The following TMTC2 variants were observed in gnomAD, a reference collection of about 807,000 sequenced individuals.
TMTC2 encodes transmembrane O-mannosyltransferase targeting cadherins 2, also known as protein O-mannosyl-transferase TMTC2.
Under a neutral mutation model 82.4 loss-of-function variants are expected in TMTC2, and 43 were observed. The ratio of observed to expected loss-of-function variants is 0.52; its 90% CI spans 0.41 to 0.67. The LOEUF is 0.67. TMTC2 is among the 30% of genes least tolerant of loss of function. The probability of loss-of-function intolerance (pLI) is 0.00; values close to 1 mark genes in which losing one functional copy is unlikely to be tolerated. For missense variants in TMTC2, 919 were observed against 1,012.4 expected (o/e 0.91, Z 1.25); for synonymous variants, 408 against 381.9 (o/e 1.07, Z -0.80).
At chr12:82,884,918 G>A (rs921556915) in intron 2 of TMTC2, among the ~76,000 whole-genome samples, 1 of 152,018 alleles carries the variant, frequency 6.6e-6, no homozygotes, top group South Asian at 2.1e-4. Context: ...GATTGAGACA[G>A]GGTCTAGCTC....
At chr12:82,755,138 G>T (rs1346350978) in intron 1 of TMTC2, among the ~76,000 whole-genome samples, 2 of 152,216 alleles carry the variant, frequency 1.3e-5, no homozygotes, top group African/African-American at 2.4e-5. Context: ...GTGTTGTGGG[G>T]AAATGTGATT....
intron 2 of TMTC2, among the ~76,000 whole-genome samples, chr12:82,880,338 T>C (rs1382171752): frequency 6.6e-6 from 1 of 152,200 alleles, no homozygotes; most frequent in African/African-American, 2.4e-5. Context: ...TATAGCACAA[T>C]GTTAAGACTT....
At position 82,937,744 on chromosome 12, in the gene TMTC2, G is replaced by GTATATATATA. The variant is rs1565818121; in HGVS notation, c.1598+7200_1598+7201insATATATATAT. 4.6e-3 allele frequency among the ~76,000 whole-genome samples: 127 copies of GTATATATATA among 27,910 alleles called. 3 individuals carry two copies. Among genetic ancestry groups the GTATATATATA allele is most frequent in the African/African-American group, 0.012 (119 of 9,794 alleles). The allele number at this position is 27,910 out of a possible 152,430, so 18.3% of individuals were successfully genotyped here. On this transcript the variant is annotated intron_variant, in intron 4 of 11. Coordinates refer to ENST00000321196, the MANE Select transcript of TMTC2 (RefSeq NM_152588.3). ...TGTGTGTGTGGATGTGTGTGTGTGT[G>GTATATATATA]TGTGTGTATATATATATATATATAT...
intron 3 of TMTC2, among the ~76,000 whole-genome samples, chr12:82,913,580 T>G (rs573462117): frequency 6.6e-6 from 1 of 152,280 alleles, no homozygotes; most frequent in Non-Finnish European, 1.5e-5. Context: ...ACACATCTAG[T>G]CATATTTTTT....
chr12:83,129,815 C>T (rs1420703509), intron 11 of TMTC2, among the ~76,000 whole-genome samples: 1 of 152,124 alleles, frequency 6.6e-6, no homozygotes, highest in Non-Finnish European at 1.5e-5. Context: ...GCTGGCATCC[C>T]ATTTGTAAAG....
At chr12:82,860,147 T>C (rs1279219311) in intron 2 of TMTC2, among the ~76,000 whole-genome samples, 1 of 152,084 alleles carries the variant, frequency 6.6e-6, no homozygotes, top group East Asian at 1.9e-4. Context: ...CTAATTTTTG[T>C]ATTTTTAGTA....
chr12:83,099,669 T>C (rs983369011), intron 11 of TMTC2, among the ~76,000 whole-genome samples: 1 of 152,124 alleles, frequency 6.6e-6, no homozygotes, highest in African/African-American at 2.4e-5. Context: ...CTCTAAGGCC[T>C]ATTCTTGTTC....
intron 7 of TMTC2, among the ~76,000 whole-genome samples, chr12:82,977,261 A>C (rs1330306945): frequency 6.6e-6 from 1 of 151,994 alleles, no homozygotes; most frequent in Non-Finnish European, 1.5e-5. Context: ...AAAACTTGAC[A>C]AAATGATTCT....
intron 1 of TMTC2, among the ~76,000 whole-genome samples, chr12:82,739,537 G>A (rs553910946): frequency 1.5e-4 from 23 of 152,108 alleles, no homozygotes; most frequent in African/African-American, 5.3e-4. Context: ...CTTATAATTA[G>A]GACTTGCCAT....
chr12:82,890,272 TG>T (rs1238367948), intron 2 of TMTC2, among the ~76,000 whole-genome samples: 1 of 152,194 alleles, frequency 6.6e-6, no homozygotes, highest in Non-Finnish European at 1.5e-5. Context: ...TTGGGTTTTT[TG>T]CCTTTGGTGG....
intron 3 of TMTC2, among the ~76,000 whole-genome samples, chr12:82,928,778 G>A (rs1875862189): frequency 1.3e-5 from 2 of 152,300 alleles, no homozygotes; most frequent in South Asian, 4.1e-4. Flanking sequence ...GATGATATAT[G>A]TCAAGTGTGT....
chr12:82,900,673 A>G (rs532929536), intron 3 of TMTC2, among the ~76,000 whole-genome samples: 4 of 143,836 alleles, frequency 2.8e-5, no homozygotes, highest in Admixed American at 1.4e-4. Flanking sequence ...ATAGGAATAT[A>G]TATCTCTGGA....
chr12:82,845,883 G>A (rs886844959), intron 1 of TMTC2, among the ~76,000 whole-genome samples: 10 of 149,682 alleles, frequency 6.7e-5, no homozygotes, highest in Admixed American at 6.0e-4. Context: ...TTAATTATAC[G>A]TGATAAACAT....
Position 82,904,101 on chromosome 12 carries a change from C to G in TMTC2, c.1483+7455C>G, listed in dbSNP as rs189569583. Reference sequence around the variant, plus strand: ...TAATAATTCTGGCTGTAGTTACTTCCTTAGCAATTATGAGACTGTCAGTAA... The same window carrying G: ...TAATAATTCTGGCTGTAGTTACTTCGTTAGCAATTATGAGACTGTCAGTAA... On this transcript the variant is annotated intron_variant, in intron 3 of 11. Coordinates refer to ENST00000321196, the MANE Select transcript of TMTC2 (RefSeq NM_152588.3). Among the ~76,000 whole-genome samples, 541 of 152,134 alleles carry G rather than the reference C, an allele frequency of 3.6e-3. 6 individuals carry two copies. The highest frequency in any genetic ancestry group is 8.4e-3 in the Admixed American group (128 of 15,296).
intron 2 of TMTC2, among the ~76,000 whole-genome samples, chr12:82,866,655 G>T (rs1416777192): frequency 6.6e-6 from 1 of 152,112 alleles, no homozygotes; most frequent in Non-Finnish European, 1.5e-5. Context: ...TGGATATCAG[G>T]TTACTCATAC....
At chr12:83,048,158 A>T (rs1045425022) in intron 9 of TMTC2, among the ~76,000 whole-genome samples, 3 of 152,244 alleles carry the variant, frequency 2.0e-5, no homozygotes, top group Non-Finnish European at 2.9e-5. Context: ...GTTTTAATTT[A>T]AAAAGCAGTT....
intron 1 of TMTC2, among the ~76,000 whole-genome samples, chr12:82,817,093 A>G (rs1439768931): frequency 6.7e-6 from 1 of 149,462 alleles, no homozygotes; most frequent in African/African-American, 2.5e-5. Flanking sequence ...TCAGCCTCCC[A>G]AGTAGCTGGG....
At chr12:82,783,058 A>G (rs769768280) in intron 1 of TMTC2, among the ~76,000 whole-genome samples, 2 of 152,110 alleles carry the variant, frequency 1.3e-5, no homozygotes, top group Non-Finnish European at 2.9e-5. Flanking sequence ...AGAATTTTTG[A>G]TTAGAAATGC....
intron 10 of TMTC2, among the ~76,000 whole-genome samples, chr12:83,053,946 T>C (rs912865743): frequency 6.6e-6 from 1 of 152,090 alleles, no homozygotes; most frequent in Non-Finnish European, 1.5e-5. Flanking sequence ...CTTGGCCCTT[T>C]GTTTTAGAGA....
Sources: gnomAD v4.1 joint callset for allele counts (sites outside exome capture counted in the v4.1 genomes callset) on GRCh38, gnomAD v4.1.1 for gene constraint, MANE v1.5 for transcripts, NCBI Gene and HGNC (gene_info 2026-07-23, HGNC 2026-07-21) for gene names.